SLX4: variants seen among roughly 807,000 people sequenced by gnomAD.
SLX4 encodes the protein SLX4 structure-specific endonuclease subunit.
A neutral mutation model predicts 146.2 loss-of-function variants in SLX4; 112 were observed. The observed-to-expected ratio is 0.77, with a 90% CI of 0.66 to 0.90. The LOEUF (loss-of-function observed/expected upper bound fraction) is 0.90, where lower values mean the gene tolerates loss of function less well. Among genes scored for constraint, SLX4 ranks in the 40% least tolerant of loss-of-function variants. The pLI, the probability that SLX4 is intolerant of heterozygous loss-of-function variation, is 0.00. For missense variants in SLX4, 2,563 were observed against 2,392.7 expected (o/e 1.07, Z -1.49); for synonymous variants, 1,061 against 997.7 (o/e 1.06, Z -1.20).
Position 3,590,087 on chromosome 16 carries a change from A to C in SLX4, c.3551T>G (p.Ile1184Ser), listed in dbSNP as rs1254864220. The C allele has an allele frequency of 6.2e-7, 1 of 1,614,124 alleles. No individual in the cohort carries two copies. Among genetic ancestry groups the C allele is most frequent in the South Asian group, 1.1e-5 (1 of 91,088 alleles). The change falls in exon 12 of 15, where the codon ATT (isoleucine) becomes AGT (serine). Residue 1184 changes from isoleucine to serine, a missense_variant. Transcript: ENST00000294008. This position sits in a 1 kb window ranked among gnomAD's most constrained non-coding sequence, Gnocchi z 4.8. ...DPLEEKKALE[I>S]SPRSCELFSI... ...AAACAGCTCACAGGACCTAGGGCTA[A>C]TTTCTAGAGCTTTCTTTTCTTCCAG...
Position 3,583,529 on chromosome 16 carries a change from G to C in SLX4, c.4740-19C>G, listed in dbSNP as rs770943153. The C allele has an allele frequency of 1.9e-6, 3 of 1,613,544 alleles. No homozygotes were observed. Among genetic ancestry groups the C allele is most frequent in the Non-Finnish European group, 2.5e-6 (3 of 1,180,006 alleles). On this transcript the variant is annotated intron_variant, in intron 13 of 14. Coordinates refer to ENST00000294008, the MANE Select transcript of SLX4 (RefSeq NM_032444.4). ...TCCAAACCTGACGGAGGAACAGGTG[G>C]ATCTCAGGACCCACCCACACAGCTG...
At chr16:3,594,344 G>GC (rs2040626040) in intron 10 of SLX4, 109 bp downstream of exon 10, 18 of 1,438,680 alleles carry the variant, frequency 1.3e-5, no homozygotes, top group Non-Finnish European at 1.7e-5. Context: ...GTGAGGGAGA[G>GC]TGGGGGGGTG....
chr16:3,585,569 G>C (rs1259107124), intron 12 of SLX4, among the ~76,000 whole-genome samples: 11 of 128,364 alleles, frequency 8.6e-5, no homozygotes, highest in African/African-American at 3.4e-4. Flanking sequence ...CTGGGCGACA[G>C]AGCAAGACTC....
chr16:3,581,761 G>C lies in SLX4; in HGVS notation c.*581C>G, dbSNP rs1231176551. 2 of 162,726 alleles carry C rather than the reference G, an allele frequency of 1.2e-5. No homozygotes were observed. The highest frequency in any genetic ancestry group is 2.7e-5 in the Non-Finnish European group (2 of 74,024). The allele number at this position is 162,726 out of a possible 1,614,324, so 10.1% of individuals were successfully genotyped here. A position where few individuals can be genotyped will look rare whatever the true frequency, so the allele number is the denominator to read the frequency against. On this transcript the variant is annotated 3_prime_UTR_variant, in exon 15 of 15. Coordinates refer to ENST00000294008, the MANE Select transcript of SLX4 (RefSeq NM_032444.4). ...CTCTTGGGTTAAGGGAGACACACTG[G>C]GCCGGGCGCAGTGGCTGGCGCCTGT...
chr16:3,590,132 T>G lies in SLX4; in HGVS notation c.3506A>C (p.Lys1169Thr), dbSNP rs781504454. Reference sequence around the variant, plus strand: ...TTCCAGAGGATCACTAGAAATGGACTTCATTTTGGTTTGTTCTAGCTCCAG... The same window carrying G: ...TTCCAGAGGATCACTAGAAATGGACGTCATTTTGGTTTGTTCTAGCTCCAG... ...EELELEQTKM[K>T]SISSDPLEEK... is the part of the protein sequence containing the mutation. Residue 1169 changes from lysine to threonine, a missense_variant, in exon 12 of 15, where the codon AAG becomes ACG. Lys to Thr is a moderately conservative substitution (Grantham distance 78, BLOSUM62 -1). Transcript: ENST00000294008. The surrounding 1 kb of genome is among the most constrained non-coding windows in gnomAD (Gnocchi z 4.8). 2.5e-6 allele frequency: 4 copies of G among 1,614,166 alleles called. No individual in the cohort carries two copies. Among genetic ancestry groups the G allele is most frequent in the Non-Finnish European group, 3.4e-6 (4 of 1,180,040 alleles).
At chr16:3,607,394 G>A (rs953057955) in intron 2 of SLX4, among the ~76,000 whole-genome samples, 1 of 152,206 alleles carries the variant, frequency 6.6e-6, no homozygotes, top group Non-Finnish European at 1.5e-5. Context: ...TTTAGAAACA[G>A]AACTCAGGAG....
chr16:3,591,429 C>A, intron 11 of SLX4, 119 bp from the exon 12 acceptor site: 7 of 1,438,542 alleles, frequency 4.9e-6, no homozygotes, highest in Non-Finnish European at 6.6e-6. Flanking sequence ...TGACCCAGGC[C>A]CTGCTTCCCT....
intron 12 of SLX4, among the ~76,000 whole-genome samples, chr16:3,586,350 A>G (rs75798057): frequency 4.0e-5 from 6 of 150,662 alleles, no homozygotes; most frequent in Non-Finnish European, 1.5e-5. Context: ...AGCAAGACCC[A>G]GTCTCTACTA....
At chr16:3,595,015 G>T (rs577245297) in intron 9 of SLX4, among the ~76,000 whole-genome samples, 238 of 152,318 alleles carry the variant, frequency 1.6e-3, no homozygotes, top group African/African-American at 5.5e-3. Flanking sequence ...GAGGACAGCC[G>T]GGTCCAGTCT....
At chr16:3,611,146 A>G (rs915154652) in intron 1 of SLX4, among the ~76,000 whole-genome samples, 1 of 152,238 alleles carries the variant, frequency 6.6e-6, no homozygotes, top group African/African-American at 2.4e-5. Flanking sequence ...CACGGCTCAC[A>G]GCAGGCGAGG....
rs2151132173 is a variant in SLX4 at position 3,598,011 on chromosome 16, C to T, written c.1164-12G>A. 1 of 1,614,074 alleles carries T rather than the reference C, an allele frequency of 6.2e-7. No homozygotes were observed. Among genetic ancestry groups the T allele is most frequent in the Non-Finnish European group, 8.5e-7 (1 of 1,180,036 alleles). On this transcript the variant is annotated splice_polypyrimidine_tract_variant and intron_variant, in intron 5 of 14. Transcript: ENST00000294008. ...TGTGATCACTGAAGCTAGAAAACAG[C>T]CAAAGAGAAAAGTTACTGGGGCTAG...
rs1174023173 is a variant in SLX4 at position 3,582,527 on chromosome 16, G to A, written c.5320C>T (p.Gln1774Ter). 1 of 1,614,014 alleles carries A rather than the reference G, an allele frequency of 6.2e-7. No individual in the cohort carries two copies. The highest frequency in any genetic ancestry group is 8.5e-7 in the Non-Finnish European group (1 of 1,180,038). The change falls in exon 15 of 15, where the codon CAG becomes TAG. Residue 1774 changes from glutamine (Q) to a stop codon, truncating the protein, a stop_gained. Coordinates refer to ENST00000294008, the MANE Select transcript of SLX4 (RefSeq NM_032444.4). LOFTEE classifies it low-confidence loss of function (END_TRUNC). Reference protein sequence around the residue: ...PALYQKVLLYQPFELRELQAE... With the variant: ...PALYQKVLLY ...TGCAGCTCCCGCAGCTCAAAGGGCT[G>A]GTACAGCAGCACCTTCTGGTACAGG...
intron 2 of SLX4, among the ~76,000 whole-genome samples, chr16:3,608,180 T>TA (rs1325578733): frequency 1.3e-5 from 2 of 152,116 alleles, no homozygotes; most frequent in Non-Finnish European, 2.9e-5. Flanking sequence ...GCTTAAAAAT[T>TA]AAAAAATAAA....
Position 3,583,391 on chromosome 16 carries a change from A to G in SLX4, c.4859T>C (p.Leu1620Pro). The G allele has an allele frequency of 1.2e-6, 2 of 1,613,212 alleles. No individual in the cohort carries two copies. The highest frequency in any genetic ancestry group is 1.7e-6 in the Non-Finnish European group (2 of 1,179,232). ...GGTCTGGCAGTGAGGCGCCTGCAACAGCGGCTGTGAGGACTGGCTCTCGTC... is the reference window on the plus strand; with the variant it reads ...GGTCTGGCAGTGAGGCGCCTGCAACGGCGGCTGTGAGGACTGGCTCTCGTC... ...SEDESQSSQP[L>P]LQAPHCQTLA... Residue 1620 changes from leucine to proline, a missense_variant, in exon 14 of 15, where the codon CTG (leucine) becomes CCG (proline). By Grantham distance (98) the Leu-to-Pro change is moderately conservative. Coordinates refer to ENST00000294008, the MANE Select transcript of SLX4 (RefSeq NM_032444.4).
chr16:3,604,301 T>G (rs1403170495), intron 3 of SLX4, among the ~76,000 whole-genome samples: 1 of 151,514 alleles, frequency 6.6e-6, no homozygotes. Flanking sequence ...AGGATACTGC[T>G]GAGCTACAGC....
At position 3,590,511 on chromosome 16, in the gene SLX4, C is replaced by T. The variant is rs776060270; in HGVS notation, c.3127G>A (p.Gly1043Arg). Reference sequence around the variant, plus strand: ...GTGTGATGAGACCCGCGGGGACTCCCGCCCTGGGGAGGCCCCAATAGGAAG... The same window carrying T: ...GTGTGATGAGACCCGCGGGGACTCCTGCCCTGGGGAGGCCCCAATAGGAAG... ...CRFLLGPPQG[G>R]SPRGSHHTSG... The change falls in exon 12 of 15, where the codon GGG (glycine) becomes AGG (arginine). Residue 1043 changes from glycine to arginine, a missense_variant. Gly to Arg is a moderately radical substitution (Grantham distance 125). Transcript: ENST00000294008. The surrounding 1 kb of genome is among the most constrained non-coding windows in gnomAD (Gnocchi z 4.8). The T allele has an allele frequency of 9.9e-6, 16 of 1,613,320 alleles. No individual in the cohort carries two copies. The highest frequency in any genetic ancestry group is 4.0e-5 in the African/African-American group (3 of 74,916).
At position 3,596,026 on chromosome 16, in the gene SLX4, C is replaced by T. The variant is rs563725168; in HGVS notation, c.1924+127G>A. 3,115 of 1,363,242 alleles carry T rather than the reference C, an allele frequency of 2.3e-3. 14 individuals are homozygous for T. The highest frequency in any genetic ancestry group is 2.3e-3 in the Non-Finnish European group (2,339 of 1,028,464). The allele number at this position is 1,363,242 out of a possible 1,614,324, so 84.4% of individuals were successfully genotyped here. On this transcript the variant is annotated intron_variant, in intron 8 of 14. Coordinates refer to ENST00000294008, the MANE Select transcript of SLX4 (RefSeq NM_032444.4). ...AAAAAATGAAAGCGCCCAGAGGCTGCGTGTTCTCCCACCAGGTCAGAGCTG... is the reference window on the plus strand; with the variant it reads ...AAAAAATGAAAGCGCCCAGAGGCTGTGTGTTCTCCCACCAGGTCAGAGCTG...
At position 3,609,324 on chromosome 16, in the gene SLX4, C is replaced by T. The variant is rs1221119770; in HGVS notation, c.-360G>A. The T allele has an allele frequency of 7.8e-6, 2 of 255,474 alleles. No individual in the cohort carries two copies. The highest frequency in any genetic ancestry group is 1.6e-5 in the Non-Finnish European group (2 of 127,582). 15.8% of individuals were successfully genotyped at this position (255,474 alleles called of 1,614,324 possible). A position where few individuals can be genotyped will look rare whatever the true frequency, so the allele number is the denominator to read the frequency against. ...TCGGGAGGCAGAGGCAAGAGAATCG[C>T]TTGAACCTGGGAGGCGGAGATTGCA... is the stretch of plus-strand genomic sequence containing the variant. On this transcript the variant is annotated 5_prime_UTR_variant, in exon 2 of 15. Transcript: ENST00000294008.
At position 3,602,329 on chromosome 16, in the gene SLX4, C is replaced by T. The variant is rs770175065; in HGVS notation, c.761-22G>A. 17 of 1,612,622 alleles carry T rather than the reference C, an allele frequency of 1.1e-5. No homozygotes were observed. In the South Asian group the frequency reaches 1.6e-4, roughly 16 times the overall value. On this transcript the variant is annotated intron_variant, in intron 3 of 14. Coordinates refer to ENST00000294008, the MANE Select transcript of SLX4 (RefSeq NM_032444.4). ...TACACTGTGGAGAAGCACCAAAGAT[C>T]CGTGAGAATAAACTCCAAAGACAAG...
Sources: gnomAD v4.1 joint callset for allele counts (sites outside exome capture counted in the v4.1 genomes callset) on GRCh38, gnomAD v4.1.1 for gene constraint, Gnocchi (gnomAD v3.1) non-coding constraint, MANE v1.5 for transcripts, NCBI Gene and HGNC (gene_info 2026-07-23, HGNC 2026-07-21) for gene names.